The following CLASP1 variants were observed in gnomAD, a reference collection of about 807,000 sequenced individuals.
CLASP1 encodes the protein cytoplasmic linker associated protein 1, also known as CLIP-associating protein 1.
Under a neutral mutation model 192.3 loss-of-function variants are expected in CLASP1, and 38 were observed. The ratio of observed to expected loss-of-function variants is 0.20; its 90% confidence interval spans 0.15 to 0.26. The LOEUF (loss-of-function observed/expected upper bound fraction) is 0.26, where lower values mean the gene tolerates loss of function less well. Among genes scored for constraint, CLASP1 ranks in the 10% least tolerant of loss-of-function variants. CLASP1 has a pLI of 1.00. For missense variants in CLASP1, 1,433 were observed against 1,932.5 expected (o/e 0.74, Z 4.85); for synonymous variants, 691 against 712.8 (o/e 0.97, Z 0.49).
chr2:121,462,922 A>T (rs1290915137), intron 9 of CLASP1, among the ~76,000 whole-genome samples: 1 of 152,178 alleles, frequency 6.6e-6, no homozygotes, highest in African/African-American at 2.4e-5. Context: ...AAGATTCCTA[A>T]TAAATGGATC....
chr2:121,341,047 C>T, intron 39 of CLASP1, 100 bp from the exon 41 acceptor site: 1 of 753,076 alleles, frequency 1.3e-6, no homozygotes, highest in Non-Finnish European at 2.3e-6. Context: ...AACAGCAAGT[C>T]CCTTAGTTCC....
chr2:121,544,582 C>T (rs2095294344), intron 2 of CLASP1, among the ~76,000 whole-genome samples: 1 of 151,830 alleles, frequency 6.6e-6, no homozygotes, highest in African/African-American at 2.4e-5. Flanking sequence ...CATTTATTTA[C>T]TTAAAATTTA....
intron 8 of CLASP1, among the ~76,000 whole-genome samples, chr2:121,476,567 C>G (rs866787953): frequency 5.3e-5 from 8 of 152,322 alleles, no homozygotes; most frequent in South Asian, 2.1e-4. Context: ...GAAATAACTG[C>G]TCATTGCCTA....
At chr2:121,560,335 C>G (rs984014358) in intron 2 of CLASP1, among the ~76,000 whole-genome samples, 2 of 152,186 alleles carry the variant, frequency 1.3e-5, no homozygotes, top group African/African-American at 2.4e-5. Flanking sequence ...TCCTTAAAAA[C>G]TTACATGCAA....
In CLASP1 at chr2:121,525,891, T is replaced by C. The variant is rs368900332; in HGVS notation, c.500A>G (p.Lys167Arg). ...TAAGTTGCATATATGTGGCACAATC[T>C]TGCTTAGTGTTAAAGTCTGTGCTCC... Residue 167 changes from lysine to arginine, a missense_variant, in exon 6 of 40, where the codon AAG becomes AGG. Lys to Arg is a conservative substitution (Grantham distance 26). Transcript: ENST00000263710. 3.7e-6 allele frequency: 6 copies of C among 1,613,426 alleles called. No homozygotes were observed. The African/African-American group carries it at 8.0e-5, about 22-fold the overall frequency.
intron 19 of CLASP1, among the ~76,000 whole-genome samples, chr2:121,433,738 A>G (rs188273953): frequency 1.3e-5 from 2 of 152,312 alleles, no homozygotes; most frequent in African/African-American, 2.4e-5. Context: ...CCTAGGCGAC[A>G]AAGTGAGACT....
chr2:121,401,587 G>A (rs1343683530), exon 28 of CLASP1: 5 of 1,612,786 alleles, frequency 3.1e-6, no homozygotes, highest in Non-Finnish European at 3.4e-6. Context: ...AAGTAATTGT[G>A]TGAGAAGAAC....
chr2:121,555,713 CAG>C (rs945449923), intron 2 of CLASP1, among the ~76,000 whole-genome samples: 5 of 152,066 alleles, frequency 3.3e-5, no homozygotes, highest in East Asian at 3.9e-4. Flanking sequence ...TTTTTTAAGA[CAG>C]AGTCTTGCTC....
chr2:121,421,410 G>C (rs112975792), intron 22 of CLASP1, among the ~76,000 whole-genome samples: 1 of 151,912 alleles, frequency 6.6e-6, no homozygotes, highest in Non-Finnish European at 1.5e-5. Context: ...GCCATGCCCG[G>C]CTAATTTTTT....
intron 34 of CLASP1, among the ~76,000 whole-genome samples, chr2:121,371,529 A>AT (rs948296143): frequency 1.3e-5 from 2 of 151,782 alleles, no homozygotes; most frequent in African/African-American, 4.8e-5. Context: ...GTGAGCCACC[A>AT]TAATTGGAAA....
At chr2:121,637,434 C>T (rs2071097502) in intron 1 of CLASP1, among the ~76,000 whole-genome samples, 1 of 152,094 alleles carries the variant, frequency 6.6e-6, no homozygotes, top group South Asian at 2.1e-4. Flanking sequence ...AGACCCCTAC[C>T]TCACACCATG....
chr2:121,478,718 CCACA>C (rs1186872040), intron 8 of CLASP1, among the ~76,000 whole-genome samples: 1 of 64,104 alleles, frequency 1.6e-5, no homozygotes, highest in Non-Finnish European at 3.2e-5. Flanking sequence ...ACACACACAA[CCACA>C]CACACACCAC....
At chr2:121,518,826 C>A (rs992396914) in intron 6 of CLASP1, among the ~76,000 whole-genome samples, 1 of 151,762 alleles carries the variant, frequency 6.6e-6, no homozygotes, top group Admixed American at 6.6e-5. Context: ...TGCAGTGAGC[C>A]GAGATTACAC....
chr2:121,407,282 G>A (rs1220702965), intron 25 of CLASP1, among the ~76,000 whole-genome samples, 189 bp downstream of exon 26: 1 of 151,918 alleles, frequency 6.6e-6, no homozygotes, highest in Non-Finnish European at 1.5e-5. Context: ...GGATGGCAAA[G>A]CAAATGGATG....
At chr2:121,415,098 C>T (rs1333115113) in intron 23 of CLASP1, among the ~76,000 whole-genome samples, 1 of 152,160 alleles carries the variant, frequency 6.6e-6, no homozygotes, top group Non-Finnish European at 1.5e-5. Context: ...ATTATTAGTA[C>T]TTGTGTAATC....
intron 8 of CLASP1, chr2:121,470,499 A>G (rs2090520555): frequency 2.7e-6 from 1 of 367,886 alleles, no homozygotes; most frequent in African/African-American, 2.1e-5. Context: ...TTCCTCTGTG[A>G]TGAAATATTT....
Position 121,367,695 on chromosome 2 carries a change from C to T in CLASP1, c.3779G>A (p.Arg1260Gln), listed in dbSNP as rs779224200. The T allele has an allele frequency of 8.7e-6, 14 of 1,613,984 alleles. No homozygotes were observed. In the Admixed American group the frequency reaches 1.5e-4, roughly 17 times the overall value. ...GGGGTACGGGTTGTAGTCTCGCGCC[C>T]GCGGCCCCGGGAAGGCGCGCGGAGG... is the stretch of plus-strand genomic sequence containing the variant. The change falls in exon 35 of 40, where the codon CGG becomes CAG. Residue 1260 changes from arginine to glutamine, a missense_variant. This residue lies in a region of CLASP1 where 336 missense variants were observed against 358.0 expected (regional missense o/e 0.94). Transcript: ENST00000263710.
At chr2:121,423,368 A>G (rs1270759086) in intron 22 of CLASP1, among the ~76,000 whole-genome samples, 2 of 152,176 alleles carry the variant, frequency 1.3e-5, no homozygotes, top group Non-Finnish European at 2.9e-5. Flanking sequence ...TGTCTTTTCA[A>G]CTACACACAA....
intron 10 of CLASP1, among the ~76,000 whole-genome samples, chr2:121,461,773 C>A (rs781478433): frequency 4.4e-4 from 67 of 152,206 alleles, no homozygotes; most frequent in Admixed American, 7.8e-4. Context: ...CTCCACCTCC[C>A]GGGTTCAAGG....
Sources: gnomAD v4.1 joint callset for allele counts (sites outside exome capture counted in the v4.1 genomes callset) on GRCh38, gnomAD v4.1.1 for gene constraint, gnomAD v4.1.1 regional missense constraint, MANE v1.5 for transcripts, NCBI Gene and HGNC (gene_info 2026-07-23, HGNC 2026-07-21) for gene names.